CETP: variants seen among roughly 807,000 people sequenced by gnomAD.
CETP encodes cholesteryl ester transfer protein, also known as BPI fold containing family F.
In CETP, 56 loss-of-function variants were observed where a neutral mutation model predicts 66.5. The observed-to-expected ratio is 0.84, with a 90% CI of 0.68 to 1.05. The LOEUF is 1.05. Among genes scored for constraint, CETP ranks in the 50% least tolerant of loss-of-function variants. CETP has a pLI of 0.00. For missense variants in CETP, 612 were observed against 609.6 expected (o/e 1.00, Z -0.04); for synonymous variants, 251 against 245.7 (o/e 1.02, Z -0.20).
At position 56,963,084 on chromosome 16, in the gene CETP, G is replaced by A; in HGVS notation, c.193G>A (p.Ala65Thr). Reference sequence around the variant, plus strand: ...CTACCCAGATATCACGGGCGAGAAGGCCATGATGCTCCTTGGCCAAGTCAA... The same window carrying A: ...CTACCCAGATATCACGGGCGAGAAGACCATGATGCTCCTTGGCCAAGTCAA... ...ASYPDITGEKAMMLLGQVKYG... is the reference protein window; with the variant it reads ...ASYPDITGEKTMMLLGQVKYG... Residue 65 changes from alanine to threonine, a missense_variant, in exon 2 of 16, where the codon GCC becomes ACC. Transcript: ENST00000200676. 3 of 1,614,164 alleles carry A rather than the reference G, an allele frequency of 1.9e-6. No homozygotes were observed. The highest frequency in any genetic ancestry group is 2.5e-6 in the Non-Finnish European group (3 of 1,180,008).
chr16:56,974,514 GAT>G (rs1440272222), intron 9 of CETP, among the ~76,000 whole-genome samples: 1 of 152,226 alleles, frequency 6.6e-6, no homozygotes, highest in African/African-American at 2.4e-5. Flanking sequence ...TAGATGGATA[GAT>G]AGACAGAGTG....
intron 14 of CETP, 102 bp downstream of exon 14, chr16:56,982,339 C>A: frequency 8.9e-7 from 1 of 1,125,024 alleles, no homozygotes; most frequent in South Asian, 1.2e-5. Context: ...CCCCTCTTCC[C>A]AGTCATTGAT....
intron 11 of CETP, among the ~76,000 whole-genome samples, 174 bp downstream of exon 11, chr16:56,978,429 G>A (rs1228802712): frequency 2.6e-5 from 4 of 152,260 alleles, no homozygotes; most frequent in African/African-American, 7.2e-5. Context: ...TGCAAGTAAC[G>A]AGGGGGTACA....
At chr16:56,981,817 TTG>T (rs2056190651) in intron 13 of CETP, 137 bp downstream of exon 13, 1 of 841,754 alleles carries the variant, frequency 1.2e-6, no homozygotes, top group Non-Finnish European at 2.0e-6. Flanking sequence ...GCTGTGTCTC[TTG>T]TGACCCTTCT....
intron 13 of CETP, among the ~76,000 whole-genome samples, chr16:56,981,962 G>A (rs1400244177): frequency 2.0e-5 from 3 of 152,184 alleles, no homozygotes; most frequent in African/African-American, 4.8e-5. Flanking sequence ...TCTGTGGAAT[G>A]GGCTAGCAAT....
intron 11 of CETP, among the ~76,000 whole-genome samples, chr16:56,979,821 C>T (rs1433470455): frequency 6.6e-6 from 1 of 151,168 alleles, no homozygotes; most frequent in Non-Finnish European, 1.5e-5. Context: ...TTTCTTAATA[C>T]ATTAAGAACT....
intron 5 of CETP, among the ~76,000 whole-genome samples, chr16:56,970,246 T>G (rs1249233859): frequency 6.6e-6 from 1 of 152,242 alleles, no homozygotes; most frequent in African/African-American, 2.4e-5. Flanking sequence ...CAAAGCACTA[T>G]TCCAAGCCCT....
intron 13 of CETP, 31 bp downstream of exon 13, chr16:56,981,711 A>T: frequency 6.2e-7 from 1 of 1,611,886 alleles, no homozygotes; most frequent in Non-Finnish European, 8.5e-7. Context: ...TGGGGGAAAT[A>T]AGTCCTGTGG....
At chr16:56,971,421 T>C in intron 7 of CETP, 40 bp downstream of exon 7, 1 of 1,590,450 alleles carries the variant, frequency 6.3e-7, no homozygotes, top group Non-Finnish European at 8.6e-7. Flanking sequence ...AAGACAGCAG[T>C]GGGAGCCAGA....
At position 56,970,930 on chromosome 16, in the gene CETP, G is replaced by A. The variant is rs1431036851; in HGVS notation, c.528-103G>A. 2.9e-6 allele frequency: 3 copies of A among 1,049,186 alleles called. No homozygotes were observed. The African/African-American group carries it at 4.7e-5, about 16-fold the overall frequency. 65.0% of individuals were successfully genotyped at this position (1,049,186 alleles called of 1,614,324 possible). A position where few individuals can be genotyped will look rare whatever the true frequency, so the allele number is the denominator to read the frequency against. Reference sequence around the variant, plus strand: ...ATAATTCTTACTTCCTGAGCTACAAGAGTCAGGGCCAACAGAGCCATGAAC... The same window carrying A: ...ATAATTCTTACTTCCTGAGCTACAAAAGTCAGGGCCAACAGAGCCATGAAC... On this transcript the variant is annotated intron_variant, in intron 5 of 15. Transcript: ENST00000200676.
At chr16:56,972,765 C>G (rs2056121579) in intron 8 of CETP, among the ~76,000 whole-genome samples, 1 of 152,228 alleles carries the variant, frequency 6.6e-6, no homozygotes, top group Non-Finnish European at 1.5e-5. Context: ...TTAAGTGGTA[C>G]AGAATGGAGG....
Position 56,983,785 on chromosome 16 carries a change from A to T in CETP, c.*119A>T. On this transcript the variant is annotated 3_prime_UTR_variant, in exon 16 of 16. Coordinates refer to ENST00000200676, the MANE Select transcript of CETP (RefSeq NM_000078.3). ...TTGGGTTAGGAGTACGGAGATGGAG[A>T]TTGGCTCCCAACTCCTCCCTATCCT... The T allele has an allele frequency of 1.1e-6, 1 of 933,998 alleles. No individual in the cohort carries two copies. Among genetic ancestry groups the T allele is most frequent in the Admixed American group, 1.8e-5 (1 of 56,246 alleles). The allele number at this position is 933,998 out of a possible 1,614,324, so 57.9% of individuals were successfully genotyped here.
At chr16:56,965,148 T>TA in intron 2 of CETP, among the ~76,000 whole-genome samples, 1 of 152,190 alleles carries the variant, frequency 6.6e-6, no homozygotes, top group African/African-American at 2.4e-5. Context: ...AGGTCAGACA[T>TA]GGCAAAAGCG....
At chr16:56,977,506 C>T (rs1376553549) in intron 10 of CETP, among the ~76,000 whole-genome samples, 1 of 152,186 alleles carries the variant, frequency 6.6e-6, no homozygotes, top group East Asian at 1.9e-4. Flanking sequence ...CTCCCACCTC[C>T]CTGACTAGGT....
At chr16:56,977,253 C>T (rs1183604771) in intron 10 of CETP, among the ~76,000 whole-genome samples, 1 of 152,138 alleles carries the variant, frequency 6.6e-6, no homozygotes, top group African/African-American at 2.4e-5. Flanking sequence ...TTTAATGAAA[C>T]CTTTTCTTGT....
intron 2 of CETP, among the ~76,000 whole-genome samples, chr16:56,964,529 T>C (rs1240561880): frequency 3.9e-5 from 6 of 152,078 alleles, no homozygotes; most frequent in Non-Finnish European, 7.4e-5. Flanking sequence ...TGGGTCCCGG[T>C]CTGTGTGTCG....
chr16:56,966,733 G>A (rs1257882258), intron 2 of CETP, among the ~76,000 whole-genome samples: 24 of 151,376 alleles, frequency 1.6e-4, no homozygotes, highest in Admixed American at 1.6e-3. Context: ...CCGAGCAGCT[G>A]GAACCACAAG....
intron 10 of CETP, among the ~76,000 whole-genome samples, chr16:56,977,362 G>A (rs1219031926): frequency 2.6e-5 from 4 of 152,050 alleles, no homozygotes; most frequent in East Asian, 1.9e-4. Flanking sequence ...CCCCAGCCCC[G>A]CTGGCTGCCT....
At position 56,981,648 on chromosome 16, in the gene CETP, A is replaced by ATCT. The variant is rs2056189143; in HGVS notation, c.1217_1218insCTT (p.Ile406_Thr407insPhe). 1 of 1,613,726 alleles carries ATCT rather than the reference A, an allele frequency of 6.2e-7. No individual in the cohort carries two copies. The highest frequency in any genetic ancestry group is 8.5e-7 in the Non-Finnish European group (1 of 1,179,786). ...ATTATCATCGCTTTTTTATTTCAGGATTACACCAAAGACTGTTTCCAACTT... is the reference window on the plus strand; with the variant it reads ...ATTATCATCGCTTTTTTATTTCAGGATCTTTACACCAAAGACTGTTTCCAACTT... On this transcript the variant is annotated inframe_insertion and splice_region_variant, in exon 13 of 16. Transcript: ENST00000200676.
Sources: gnomAD v4.1 joint callset for allele counts (sites outside exome capture counted in the v4.1 genomes callset) on GRCh38, gnomAD v4.1.1 for gene constraint, MANE v1.5 for transcripts, NCBI Gene and HGNC (gene_info 2026-07-23, HGNC 2026-07-21) for gene names.